The following CDH13 variants were observed in gnomAD, a reference collection of about 807,000 sequenced individuals.
CDH13 encodes cadherin 13.
In CDH13, 24 loss-of-function variants were observed where a neutral mutation model predicts 63.8. The ratio of observed to expected loss-of-function variants is 0.38; its 90% CI spans 0.27 to 0.53. CDH13 has a LOEUF of 0.53. Among genes scored for constraint, CDH13 ranks in the 20% least tolerant of loss-of-function variants. CDH13 has a pLI of 0.85. For missense variants in CDH13, 1,049 were observed against 903.1 expected, an observed-to-expected ratio of 1.16 and a Z score of -2.07; for synonymous variants, 503 against 355.3, an observed-to-expected ratio of 1.42 and a Z score of -4.67.
chr16:82,779,976 AG>A lies in CDH13; in HGVS notation c.46-78382del, dbSNP rs1268295460. Among the ~76,000 whole-genome samples the A allele has an allele frequency of 2.6e-5, 4 of 152,278 alleles. No individual in the cohort carries two copies. In the East Asian group the frequency reaches 7.7e-4, roughly 29 times the overall value. On this transcript the variant is annotated intron_variant, in intron 1 of 13. Coordinates refer to ENST00000567109, the MANE Select transcript of CDH13 (RefSeq NM_001257.5). ...CATCTTACCTTGACAGGCGCACTTT[AG>A]GGGATGCAGTCTCTGCCCTTTTGTG...
At position 83,186,814 on chromosome 16, in the gene CDH13, G is replaced by A. The variant is rs1012720309; in HGVS notation, c.484-30531G>A. ...AGACAAGCCAACTCTTTCTCATGTG[G>A]AGGAAGAGTTCTGATGGGGAGAAGG... is the stretch of plus-strand genomic sequence containing the variant. On this transcript the variant is annotated intron_variant, in intron 4 of 13. Coordinates refer to ENST00000567109, the MANE Select transcript of CDH13 (RefSeq NM_001257.5). Among the ~76,000 whole-genome samples, 5 of 152,276 alleles carry A rather than the reference G, an allele frequency of 3.3e-5. 1 individual carries two copies. In the South Asian group the frequency reaches 1.0e-3, roughly 32 times the overall value.
intron 6 of CDH13, among the ~76,000 whole-genome samples, chr16:83,416,721 G>A (rs1052816776): frequency 6.6e-6 from 1 of 152,162 alleles, no homozygotes; most frequent in South Asian, 2.1e-4. Flanking sequence ...AGAGTGCAGA[G>A]CAGAAAGATG....
intron 2 of CDH13, among the ~76,000 whole-genome samples, chr16:82,927,356 G>A (rs527320082): frequency 6.6e-6 from 1 of 152,262 alleles, no homozygotes; most frequent in South Asian, 2.1e-4. Context: ...GATGTAATAT[G>A]ATGGCTATTT....
At chr16:83,621,833 G>GC (rs1204139115) in intron 8 of CDH13, among the ~76,000 whole-genome samples, 1 of 151,854 alleles carries the variant, frequency 6.6e-6, no homozygotes, top group Non-Finnish European at 1.5e-5. Context: ...TTTGTGCAAG[G>GC]CCTGGATATA....
intron 5 of CDH13, among the ~76,000 whole-genome samples, chr16:83,220,308 C>G (rs1203993256): frequency 6.6e-6 from 1 of 152,154 alleles, no homozygotes; most frequent in Non-Finnish European, 1.5e-5. Context: ...TCATGTTGGT[C>G]TACTTTGGGC....
chr16:83,459,823 G>A (rs994345773), intron 6 of CDH13, among the ~76,000 whole-genome samples: 2 of 152,184 alleles, frequency 1.3e-5, no homozygotes, highest in African/African-American at 4.8e-5. Context: ...AAAAAGTGTA[G>A]AATGGAGTAT....
intron 8 of CDH13, among the ~76,000 whole-genome samples, chr16:83,610,824 G>A (rs770487843): frequency 2.6e-5 from 4 of 152,182 alleles, no homozygotes; most frequent in African/African-American, 9.6e-5. Flanking sequence ...ATGTGTTTCT[G>A]TTTGGGGTAT....
At chr16:82,904,374 G>C (rs2041572846) in intron 2 of CDH13, among the ~76,000 whole-genome samples, 1 of 152,190 alleles carries the variant, frequency 6.6e-6, no homozygotes, top group African/African-American at 2.4e-5. Context: ...TCTCTAAAGA[G>C]AGATTGATAT....
rs370889426 is a variant in CDH13, at chr16:83,678,210, A to T, written c.1287A>T (p.Pro429=). The part of the protein sequence containing the change: ...TNEGMLSVVK[P]LDYEISAFHT... The stretch of plus-strand genomic sequence containing the variant: ...AGACCCTTCTGTCTGCTTTCCAGCC[A>T]TTGGACTATGAAATTTCTGCCTTCC... The change falls in exon 10 of 14, where the codon CCA becomes CCT. Residue 429 remains proline (P), a splice_region_variant and synonymous_variant. Transcript: ENST00000567109. 389 of 1,610,760 alleles carry T rather than the reference A, an allele frequency of 2.4e-4. No individual in the cohort carries two copies. Among genetic ancestry groups the T allele is most frequent in the Non-Finnish European group, 3.1e-4 (363 of 1,177,350 alleles).
chr16:83,149,168 G>A (rs1286671511), intron 4 of CDH13, among the ~76,000 whole-genome samples: 2 of 152,110 alleles, frequency 1.3e-5, no homozygotes, highest in African/African-American at 4.8e-5. Context: ...TCTCTATATT[G>A]AAATATTCAG....
intron 5 of CDH13, among the ~76,000 whole-genome samples, chr16:83,284,414 A>G (rs2089258691): frequency 6.6e-6 from 1 of 152,242 alleles, no homozygotes; most frequent in Non-Finnish European, 1.5e-5. Context: ...AAGTAAAATG[A>G]GACCACTCAT....
chr16:83,679,734 G>A (rs1915252199), intron 10 of CDH13, among the ~76,000 whole-genome samples: 1 of 152,204 alleles, frequency 6.6e-6, no homozygotes, highest in Non-Finnish European at 1.5e-5. Flanking sequence ...CAGACTACAA[G>A]GTAGTTGGAC....
At chr16:82,985,607 A>T (rs111291052) in intron 2 of CDH13, among the ~76,000 whole-genome samples, 523 of 152,222 alleles carry the variant, frequency 3.4e-3, no homozygotes, top group African/African-American at 0.012. Context: ...CACTTCCCAT[A>T]TGCGAGATCT....
At chr16:83,396,385 C>G (rs1356356937) in intron 6 of CDH13, among the ~76,000 whole-genome samples, 3 of 152,134 alleles carry the variant, frequency 2.0e-5, no homozygotes, top group Non-Finnish European at 2.9e-5. Flanking sequence ...AATTAATGAT[C>G]TTTATATGCC....
intron 2 of CDH13, among the ~76,000 whole-genome samples, chr16:82,927,655 G>T (rs748607841): frequency 6.6e-6 from 1 of 152,048 alleles, no homozygotes; most frequent in Non-Finnish European, 1.5e-5. Flanking sequence ...CCCATAGAAC[G>T]CCATGTTTCC....
Position 82,953,272 on chromosome 16 carries a change from G to T in CDH13, c.158-78738G>T, listed in dbSNP as rs149147394. 632 of 152,166 alleles carry T rather than the reference G, an allele frequency of 4.2e-3. 1 individual carries two copies. Among genetic ancestry groups the T allele is most frequent in the African/African-American group, 0.014 (589 of 41,520 alleles). 9.4% of individuals were successfully genotyped at this position (152,166 alleles called of 1,614,324 possible). A position where few individuals can be genotyped will look rare whatever the true frequency, so the allele number is the denominator to read the frequency against. On this transcript the variant is annotated intron_variant, in intron 2 of 13. Coordinates refer to ENST00000567109, the MANE Select transcript of CDH13 (RefSeq NM_001257.5). ...TTTATTTTCTCATCATATACAGAAA[G>T]GTTATTGCCAAATATGGCCATAAAG...
At chr16:83,116,841 C>T (rs554504919) in intron 3 of CDH13, among the ~76,000 whole-genome samples, 2 of 152,258 alleles carry the variant, frequency 1.3e-5, no homozygotes, top group Admixed American at 6.5e-5. Flanking sequence ...AAATTGACTC[C>T]AACTCTCCCT....
intron 7 of CDH13, among the ~76,000 whole-genome samples, chr16:83,555,824 A>T (rs1304748605): frequency 6.6e-6 from 1 of 152,218 alleles, no homozygotes; most frequent in Non-Finnish European, 1.5e-5. Flanking sequence ...GCAATTGAGG[A>T]TTGTAAACAT....
chr16:83,173,962 G>C (rs1194467783), intron 4 of CDH13, among the ~76,000 whole-genome samples: 2 of 152,062 alleles, frequency 1.3e-5, no homozygotes, highest in Non-Finnish European at 2.9e-5. Flanking sequence ...TTCAAAGCCA[G>C]TATCACACCA....
Sources: gnomAD v4.1 joint callset for allele counts (sites outside exome capture counted in the v4.1 genomes callset) on GRCh38, gnomAD v4.1.1 for gene constraint, MANE v1.5 for transcripts, NCBI Gene and HGNC (gene_info 2026-07-23, HGNC 2026-07-21) for gene names.